The following GPR83 variants were observed in gnomAD, a reference collection of about 807,000 sequenced individuals.
GPR83 encodes the protein G-protein coupled receptor 72.
In GPR83, 23 loss-of-function variants were observed where a neutral mutation model predicts 28.0. The observed-to-expected ratio is 0.82, with a 90% CI of 0.59 to 1.16. The LOEUF (loss-of-function observed/expected upper bound fraction) is 1.16, where lower values mean the gene tolerates loss of function less well. Ranked by LOEUF, GPR83 falls within the 50% of genes most tolerant of loss-of-function variation. GPR83 has a pLI of 0.00. For synonymous variants in GPR83, 234 were observed against 215.4 expected, an observed-to-expected ratio of 1.09 and a Z score of -0.76; for missense variants, 610 against 536.6, an observed-to-expected ratio of 1.14 and a Z score of -1.35.
rs922298270 is a variant in GPR83, at chr11:94,379,823, AGCT to A, written c.*323_*325del. 7.9e-4 allele frequency: 157 copies of A among 199,634 alleles called. 1 individual carries two copies. Among genetic ancestry groups the A allele is most frequent in the African/African-American group, 3.3e-3 (142 of 43,444 alleles). 12.4% of individuals were successfully genotyped at this position (199,634 alleles called of 1,614,324 possible). On this transcript the variant is annotated 3_prime_UTR_variant, in exon 4 of 4. Transcript: ENST00000243673. Reference sequence around the variant, plus strand: ...GCAGTAGGAAGGGCTGTAAGGCAGCAGCTGCCCCACAGATGGAGGCAGTTGAAT... The same window carrying A: ...GCAGTAGGAAGGGCTGTAAGGCAGCAGCCCCACAGATGGAGGCAGTTGAAT...
At position 94,380,491 on chromosome 11, in the gene GPR83, G is replaced by A. The variant is rs1205764756; in HGVS notation, c.930C>T (p.Cys310=). The A allele has an allele frequency of 6.2e-7, 1 of 1,614,162 alleles. No homozygotes were observed. The highest frequency in any genetic ancestry group is 1.7e-5 in the Admixed American group (1 of 60,032). ...LFALCWFPLN[C]YVLLLSSKVI... ...CCTTGCTGGACAGGAGGAGGACGTA[G>A]CAGTTGAGGGGGAACCAGCAGAGGG... The change falls in exon 4 of 4, where the codon TGC becomes TGT. Residue 310 remains cysteine, a synonymous_variant. Coordinates refer to ENST00000243673, the MANE Select transcript of GPR83 (RefSeq NM_016540.4).
intron 3 of GPR83, among the ~76,000 whole-genome samples, chr11:94,389,356 G>C (rs1347904209): frequency 6.6e-6 from 1 of 152,164 alleles, no homozygotes; most frequent in Non-Finnish European, 1.5e-5. Flanking sequence ...CTTCTGCAGA[G>C]CAAAAGAAAC....
intron 3 of GPR83, among the ~76,000 whole-genome samples, chr11:94,385,891 A>C (rs1944749833): frequency 6.6e-6 from 1 of 152,198 alleles, no homozygotes; most frequent in Non-Finnish European, 1.5e-5. Context: ...CAAGACACAT[A>C]ATTGTCAGAT....
chr11:94,381,584 C>CTTGT (rs1554991078), intron 3 of GPR83, among the ~76,000 whole-genome samples: 1 of 141,816 alleles, frequency 7.1e-6, no homozygotes, highest in Non-Finnish European at 1.6e-5. Flanking sequence ...TGTGTGCGCG[C>CTTGT]GTGCTGCAGG....
At chr11:94,384,888 G>T (rs191372747) in intron 3 of GPR83, among the ~76,000 whole-genome samples, 8 of 152,324 alleles carry the variant, frequency 5.3e-5, no homozygotes, top group Admixed American at 5.2e-4. Context: ...TCTGAGAACG[G>T]ATAGACTGTC....
intron 3 of GPR83, among the ~76,000 whole-genome samples, chr11:94,390,215 A>G (rs1027601909): frequency 3.3e-5 from 5 of 152,100 alleles, no homozygotes; most frequent in African/African-American, 9.7e-5. Context: ...GATATACCTA[A>G]TGTAAATGAT....
intron 3 of GPR83, among the ~76,000 whole-genome samples, chr11:94,389,685 G>A (rs918081836): frequency 1.5e-4 from 23 of 152,216 alleles, no homozygotes; most frequent in African/African-American, 5.3e-4. Context: ...TGCTGGAGAG[G>A]CTGTGGAGAA....
At position 94,401,392 on chromosome 11, in the gene GPR83, C is replaced by A; in HGVS notation, c.-145G>T. 1.5e-6 allele frequency: 1 copy of A among 673,164 alleles called. No homozygotes were observed. Among genetic ancestry groups the A allele is most frequent in the Non-Finnish European group, 2.3e-6 (1 of 443,222 alleles). 41.7% of individuals were successfully genotyped at this position (673,164 alleles called of 1,614,324 possible). On this transcript the variant is annotated 5_prime_UTR_variant, in exon 1 of 4. Coordinates refer to ENST00000243673, the MANE Select transcript of GPR83 (RefSeq NM_016540.4). ...GAGCCCGGACGCGCGGAGCACCGCG[C>A]CGCCCGCCACCAGCCCGCGGTCGGC...
At position 94,391,373 on chromosome 11, in the gene GPR83, G is replaced by C. The variant is rs1319140807; in HGVS notation, c.647+2112C>G. On this transcript the variant is annotated intron_variant, in intron 3 of 3. Coordinates refer to ENST00000243673, the MANE Select transcript of GPR83 (RefSeq NM_016540.4). The stretch of plus-strand genomic sequence containing the variant: ...AAGACCTAGAATCATAAAAATCCTA[G>C]AAGAAAGCCTGGATACCATTCAGGA... Among the ~76,000 whole-genome samples the C allele has an allele frequency of 2.6e-5, 4 of 152,280 alleles. No homozygotes were observed. In the South Asian group the frequency reaches 8.3e-4, roughly 32 times the overall value.
chr11:94,385,469 C>T (rs1033558341), intron 3 of GPR83, among the ~76,000 whole-genome samples: 1 of 152,116 alleles, frequency 6.6e-6, no homozygotes, highest in South Asian at 2.1e-4. Flanking sequence ...AGACTAATGG[C>T]TAACTAGAAT....
chr11:94,383,401 C>T (rs1478498966), intron 3 of GPR83, among the ~76,000 whole-genome samples: 4 of 152,102 alleles, frequency 2.6e-5, no homozygotes, highest in African/African-American at 9.7e-5. Flanking sequence ...CTAAAATTGA[C>T]ACCTTAACAT....
At chr11:94,389,973 T>C (rs996653371) in intron 3 of GPR83, among the ~76,000 whole-genome samples, 5 of 152,190 alleles carry the variant, frequency 3.3e-5, no homozygotes, top group Admixed American at 6.5e-5. Flanking sequence ...ATATACACCA[T>C]GGAATACTAT....
Position 94,401,193 on chromosome 11 carries a change from G to T in GPR83, c.55C>A (p.Pro19Thr), listed in dbSNP as rs1944908784. The T allele has an allele frequency of 6.2e-7, 1 of 1,612,914 alleles. No individual in the cohort carries two copies. The highest frequency in any genetic ancestry group is 1.3e-5 in the African/African-American group (1 of 74,910). Residue 19 changes from proline (P) to threonine (T), a missense_variant, in exon 1 of 4, where the codon CCC (proline) becomes ACC (threonine). Physicochemically the swap from Pro to Thr is conservative, Grantham distance 38. Coordinates refer to ENST00000243673, the MANE Select transcript of GPR83 (RefSeq NM_016540.4). ...TGCTCGTCGGCCCGGCCCTCGTGGGGCTCGGTGGCTCGCACCAAGGGGAGG... is the reference window on the plus strand; with the variant it reads ...TGCTCGTCGGCCCGGCCCTCGTGGGTCTCGGTGGCTCGCACCAAGGGGAGG... ...CLLPLVRATE[P>T]HEGRADEQSA...
Position 94,387,687 on chromosome 11 carries a change from T to C in GPR83, c.647+5798A>G, listed in dbSNP as rs1944774405. Among the ~76,000 whole-genome samples the C allele has an allele frequency of 5.3e-5, 8 of 152,104 alleles. No homozygotes were observed. In the South Asian group the frequency reaches 1.5e-3, roughly 28 times the overall value. On this transcript the variant is annotated intron_variant, in intron 3 of 3. Coordinates refer to ENST00000243673, the MANE Select transcript of GPR83 (RefSeq NM_016540.4). Reference sequence around the variant, plus strand: ...GCTCTGAAATGGAGGCAATAATTAATAGCCTACCAACCAAAAAAAGTCCAG... The same window carrying C: ...GCTCTGAAATGGAGGCAATAATTAACAGCCTACCAACCAAAAAAAGTCCAG...
At chr11:94,381,305 T>C (rs1468167483) in intron 3 of GPR83, among the ~76,000 whole-genome samples, 1 of 152,158 alleles carries the variant, frequency 6.6e-6, no homozygotes, top group Non-Finnish European at 1.5e-5. Context: ...AATATCCATG[T>C]GGCTTGGTGC....
rs769444378 is a variant in GPR83 at position 94,396,544 on chromosome 11, T to C, written c.388-20A>G. ...GCGAACCTGGAGATGAGCCCAAAGA[T>C]GTTAGGAGACAGACAGGCCTTGACT... On this transcript the variant is annotated intron_variant, in intron 1 of 3. Transcript: ENST00000243673. 1.2e-6 allele frequency: 2 copies of C among 1,610,900 alleles called. No homozygotes were observed. The highest frequency in any genetic ancestry group is 1.7e-4 in the Middle Eastern group (1 of 6,052).
rs577126189 is a variant in GPR83, at chr11:94,396,665, T to C, written c.388-141A>G. On this transcript the variant is annotated intron_variant, in intron 1 of 3. Coordinates refer to ENST00000243673, the MANE Select transcript of GPR83 (RefSeq NM_016540.4). ...CTGTCTATGATACTGAATTGTGGAG[T>C]AAACATGATTTTCTCCAGCACAACT... The C allele has an allele frequency of 3.0e-5, 22 of 735,102 alleles. No individual in the cohort carries two copies. The East Asian group carries it at 5.8e-4, about 19-fold the overall frequency. 45.5% of individuals were successfully genotyped at this position (735,102 alleles called of 1,614,324 possible). A position where few individuals can be genotyped will look rare whatever the true frequency, so the allele number is the denominator to read the frequency against.
rs144846116 is a variant in GPR83, at chr11:94,399,765, A to C, written c.387+1096T>G. Among the ~76,000 whole-genome samples, 4 of 152,358 alleles carry C rather than the reference A, an allele frequency of 2.6e-5. No homozygotes were observed. The East Asian group carries it at 5.8e-4, about 22-fold the overall frequency. On this transcript the variant is annotated intron_variant, in intron 1 of 3. Coordinates refer to ENST00000243673, the MANE Select transcript of GPR83 (RefSeq NM_016540.4). ...CACTCAAATGACAAAGTTATTCCAT[A>C]AAATGAAAAAATATAACACACTAGA...
rs567084972 is a variant in GPR83, at chr11:94,396,532, T to A, written c.388-8A>T. On this transcript the variant is annotated splice_polypyrimidine_tract_variant and splice_region_variant and intron_variant, in intron 1 of 3. Coordinates refer to ENST00000243673, the MANE Select transcript of GPR83 (RefSeq NM_016540.4). ...GCTGTTCACAAAGCGAACCTGGAGA[T>A]GAGCCCAAAGATGTTAGGAGACAGA... 6.3e-5 allele frequency: 102 copies of A among 1,613,094 alleles called. 2 individuals carry two copies. In the South Asian group the frequency reaches 1.1e-3, roughly 17 times the overall value.
Sources: gnomAD v4.1 joint callset for allele counts (sites outside exome capture counted in the v4.1 genomes callset) on GRCh38, gnomAD v4.1.1 for gene constraint, MANE v1.5 for transcripts, NCBI Gene and HGNC (gene_info 2026-07-23, HGNC 2026-07-21) for gene names.